Variants in RBM47 observed in about 807,000 individuals in gnomAD.
The protein encoded by RBM47 is RNA-binding protein 47.
A neutral mutation model predicts 47.1 loss-of-function variants in RBM47; 21 were observed. The observed-to-expected ratio is 0.45, with a 90% confidence interval of 0.32 to 0.64. The LOEUF (loss-of-function observed/expected upper bound fraction) is 0.64, where lower values mean the gene tolerates loss of function less well. Ranked by LOEUF, RBM47 falls within the 30% of genes least tolerant of loss-of-function variation. The pLI, the probability that RBM47 is intolerant of heterozygous loss-of-function variation, is 0.05. For synonymous variants in RBM47, 375 were observed against 361.7 expected (o/e 1.04, Z -0.42); for missense variants, 708 against 870.9 (o/e 0.81, Z 2.35).
chr4:40,432,885 A>G (rs754231502), intron 5 of RBM47, 23 bp from the exon 6 acceptor site: 63 of 1,612,398 alleles, frequency 3.9e-5, no homozygotes, highest in Admixed American at 6.7e-5. Flanking sequence ...CAAGAAGGAA[A>G]AACAGGTCAA....
rs1714879732 is a variant in RBM47, at chr4:40,425,355, T to C, written c.*549A>G. 1 of 153,108 alleles carries C rather than the reference T, an allele frequency of 6.5e-6. No individual in the cohort carries two copies. The highest frequency in any genetic ancestry group is 1.5e-5 in the Non-Finnish European group (1 of 68,370). The allele number at this position is 153,108 out of a possible 1,614,324, so 9.5% of individuals were successfully genotyped here. On this transcript the variant is annotated 3_prime_UTR_variant, in exon 7 of 7. Coordinates refer to ENST00000295971, the MANE Select transcript of RBM47 (RefSeq NM_001098634.2). The stretch of plus-strand genomic sequence containing the variant: ...CATCAACCCTTAATGCCAGCAGAAA[T>C]ACAGAGGTTTTACTCATTTTAAAAT...
chr4:40,600,999 A>AAAGAAAGAAAG (rs1553907563), intron 1 of RBM47, among the ~76,000 whole-genome samples: 1 of 147,284 alleles, frequency 6.8e-6, no homozygotes, highest in African/African-American at 2.6e-5. Context: ...AAAAAAAAAA[A>AAAGAAAGAAAG]AAAGAAAGAA....
chr4:40,568,746 C>T (rs1365540182), intron 1 of RBM47, among the ~76,000 whole-genome samples: 3 of 151,594 alleles, frequency 2.0e-5, no homozygotes, highest in African/African-American at 4.8e-5. Context: ...GTTGGGAGGC[C>T]GAGGCGGGTG....
chr4:40,587,972 T>C (rs1013462369), intron 1 of RBM47, among the ~76,000 whole-genome samples: 2 of 152,180 alleles, frequency 1.3e-5, no homozygotes, highest in African/African-American at 4.8e-5. Flanking sequence ...CCATGGGTAA[T>C]ATTGCAGCCT....
At chr4:40,495,406 A>G (rs56864610) in intron 2 of RBM47, among the ~76,000 whole-genome samples, 2,232 of 152,228 alleles carry the variant, frequency 0.015, 33 homozygotes, top group East Asian at 0.07. Flanking sequence ...GTTGGAGAAC[A>G]GCTTGGCCAA....
At chr4:40,561,544 C>CTTTTTTTTTT (rs796381156) in intron 1 of RBM47, among the ~76,000 whole-genome samples, 3 of 124,576 alleles carry the variant, frequency 2.4e-5, no homozygotes, top group Non-Finnish European at 3.3e-5. Flanking sequence ...TTCTTCTTTT[C>CTTTTTTTTTT]TTTTTTTTTT....
chr4:40,604,318 C>T (rs1735549369), intron 1 of RBM47, among the ~76,000 whole-genome samples: 1 of 152,198 alleles, frequency 6.6e-6, no homozygotes, highest in Admixed American at 6.5e-5. Flanking sequence ...AGAGTAACAA[C>T]ATGCTGCAAT....
chr4:40,554,405 C>CAAAAAAAAAAAAAAAAA (rs59793972), intron 1 of RBM47, among the ~76,000 whole-genome samples: 1 of 91,042 alleles, frequency 1.1e-5, no homozygotes. Context: ...AAGCAAACCT[C>CAAAAAAAAAAAAAAAAA]AAAAAAAAAA....
rs141009669 is a variant in RBM47, at chr4:40,603,470, G to A, written c.-240+25926C>T. Among the ~76,000 whole-genome samples, 95 of 152,172 alleles carry A rather than the reference G, an allele frequency of 6.2e-4. 1 individual carries two copies. Among genetic ancestry groups the A allele is most frequent in the African/African-American group, 2.1e-3 (88 of 41,502 alleles). On this transcript the variant is annotated intron_variant, in intron 1 of 6. Coordinates refer to ENST00000295971, the MANE Select transcript of RBM47 (RefSeq NM_001098634.2). Reference sequence around the variant, plus strand: ...AATTTCTGTTGAGTATATAACCTAGGAGTGGAATCACTGAGTTATAATGTA... The same window carrying A: ...AATTTCTGTTGAGTATATAACCTAGAAGTGGAATCACTGAGTTATAATGTA...
At chr4:40,553,188 T>G (rs1729738260) in intron 1 of RBM47, among the ~76,000 whole-genome samples, 1 of 151,952 alleles carries the variant, frequency 6.6e-6, no homozygotes, top group Admixed American at 6.6e-5. Flanking sequence ...GATTATTCTT[T>G]TAAAAGAGTT....
chr4:40,468,356 T>C (rs1304465397), intron 2 of RBM47, among the ~76,000 whole-genome samples: 6 of 152,126 alleles, frequency 3.9e-5, no homozygotes, highest in African/African-American at 1.2e-4. Context: ...TAAAAAAAAA[T>C]TGTGTTTGTT....
chr4:40,615,961 T>C (rs957664875), intron 1 of RBM47, among the ~76,000 whole-genome samples: 2 of 152,188 alleles, frequency 1.3e-5, no homozygotes, highest in African/African-American at 4.8e-5. Flanking sequence ...AATAAAATGC[T>C]ACAGTCACTG....
intron 1 of RBM47, among the ~76,000 whole-genome samples, chr4:40,552,561 C>T (rs1012531067): frequency 2.6e-5 from 4 of 152,150 alleles, no homozygotes; most frequent in Non-Finnish European, 5.9e-5. Flanking sequence ...CTGTATATGG[C>T]TGCCGAATCC....
chr4:40,436,797 C>T (rs1289687115), intron 4 of RBM47, 150 bp from the exon 5 acceptor site: 2 of 764,250 alleles, frequency 2.6e-6, no homozygotes, highest in Non-Finnish European at 4.6e-6. Context: ...AAGATGCTTC[C>T]AACATTCTAT....
intron 1 of RBM47, among the ~76,000 whole-genome samples, chr4:40,621,153 C>T (rs923803303): frequency 6.6e-6 from 1 of 152,150 alleles, no homozygotes. Context: ...AAAGAACCTT[C>T]CTGGAGTCTG....
chr4:40,525,249 C>G (rs965333307), intron 2 of RBM47, among the ~76,000 whole-genome samples: 1 of 152,224 alleles, frequency 6.6e-6, no homozygotes, highest in East Asian at 1.9e-4. Flanking sequence ...ACCAGCCTGG[C>G]CAACATGGCG....
At chr4:40,515,405 C>T (rs932403598) in intron 2 of RBM47, among the ~76,000 whole-genome samples, 2 of 152,148 alleles carry the variant, frequency 1.3e-5, no homozygotes, top group African/African-American at 4.8e-5. Flanking sequence ...AGCAGAATTA[C>T]TTAGCTACAG....
chr4:40,511,138 T>C (rs16852294), intron 2 of RBM47, among the ~76,000 whole-genome samples: 4,708 of 152,340 alleles, frequency 0.031, 211 homozygotes, highest in African/African-American at 0.098. Context: ...TTCCTCCAAG[T>C]TGCCCGTGTA....
chr4:40,554,637 A>T (rs1465564382), intron 1 of RBM47, among the ~76,000 whole-genome samples: 1 of 152,176 alleles, frequency 6.6e-6, no homozygotes, highest in Non-Finnish European at 1.5e-5. Context: ...ATTTTTAGAA[A>T]TAATTCAGCA....
Sources: gnomAD v4.1 joint callset for allele counts (sites outside exome capture counted in the v4.1 genomes callset) on GRCh38, gnomAD v4.1.1 for gene constraint, MANE v1.5 for transcripts, NCBI Gene and HGNC (gene_info 2026-07-23, HGNC 2026-07-21) for gene names.